COL13A1: variants seen among roughly 807,000 people sequenced by gnomAD.
The protein encoded by COL13A1 is collagen alpha-1(XIII) chain.
COL13A1 carries 89 observed loss-of-function variants against 130.9 expected under a neutral mutation model. That is an observed-to-expected ratio of 0.68 (90% CI 0.57 to 0.81). The LOEUF is 0.81. COL13A1 is among the 30% of genes least tolerant of loss of function. COL13A1 has a pLI of 0.00. For missense variants in COL13A1, 879 were observed against 934.6 expected (o/e 0.94, Z 0.78); for synonymous variants, 402 against 341.6 (o/e 1.18, Z -1.95).
chr10:69,898,652 C>T, intron 13 of COL13A1, 45 bp from the exon 14 acceptor site: 2 of 1,574,218 alleles, frequency 1.3e-6, no homozygotes, highest in African/African-American at 2.7e-5. Flanking sequence ...TACCTGTGAT[C>T]TTTGGCCTTT....
At chr10:69,808,677 A>G (rs916526894) in intron 1 of COL13A1, among the ~76,000 whole-genome samples, 2 of 152,214 alleles carry the variant, frequency 1.3e-5, no homozygotes, top group East Asian at 1.9e-4. Context: ...GTGACCACAC[A>G]TGACCCGATG....
At position 69,930,495 on chromosome 10, in the gene COL13A1, C is replaced by T. The variant is rs1061954; in HGVS notation, c.1626C>T (p.His542=). The T allele has an allele frequency of 6.2e-7, 1 of 1,613,822 alleles. No individual in the cohort carries two copies. Among genetic ancestry groups the T allele is most frequent in the Non-Finnish European group, 8.5e-7 (1 of 1,179,830 alleles). The stretch of plus-strand genomic sequence containing the variant: ...CAGGAGTGAAGGGAGAAAACGGGCA[C>T]CCAGGGAGCCCAGGAGAGAAGGGGG... The part of the protein sequence containing the change: ...GPPGVKGENG[H]PGSPGEKGEK... The change falls in exon 30 of 41, where the codon CAC becomes CAT. Residue 542 remains histidine (H), a synonymous_variant. Transcript: ENST00000645393.
At chr10:69,860,756 C>T in intron 2 of COL13A1, 2 of 251,472 alleles carry the variant, frequency 8.0e-6, no homozygotes, top group Middle Eastern at 4.5e-4. Flanking sequence ...GGCTGCTATC[C>T]CCCATTCCAA....
At chr10:69,937,824 GAGTTCCATGT>G in intron 34 of COL13A1, 109 bp downstream of exon 34, 2 of 637,352 alleles carry the variant, frequency 3.1e-6, no homozygotes, top group Admixed American at 5.6e-5. Context: ...TGAGCATCCA[GAGTTCCATGT>G]GGTTTGTCTT....
At chr10:69,825,406 T>C (rs551284429) in intron 2 of COL13A1, among the ~76,000 whole-genome samples, 4 of 152,346 alleles carry the variant, frequency 2.6e-5, no homozygotes, top group Non-Finnish European at 4.4e-5. Flanking sequence ...TACTTTTGTC[T>C]TGCAGCACCT....
chr10:69,900,441 T>TC (rs1268447426), intron 14 of COL13A1, among the ~76,000 whole-genome samples: 2 of 152,114 alleles, frequency 1.3e-5, no homozygotes, highest in African/African-American at 4.8e-5. Flanking sequence ...GAGCAAGAGG[T>TC]GGTGAAGCCA....
chr10:69,930,888 A>T (rs16927080), intron 30 of COL13A1, among the ~76,000 whole-genome samples: 4,366 of 152,326 alleles, frequency 0.029, 219 homozygotes, highest in African/African-American at 0.096. Context: ...AGATGAAGAC[A>T]TGGTTTAGAG....
At chr10:69,815,100 A>G (rs915120965) in intron 1 of COL13A1, among the ~76,000 whole-genome samples, 8 of 151,992 alleles carry the variant, frequency 5.3e-5, no homozygotes, top group African/African-American at 1.2e-4. Flanking sequence ...TCATATCCCT[A>G]TTTTGTAGAT....
At chr10:69,815,887 C>CAAA (rs11393895) in intron 1 of COL13A1, among the ~76,000 whole-genome samples, 1 of 148,714 alleles carries the variant, frequency 6.7e-6, no homozygotes. Flanking sequence ...GAAAAATAAG[C>CAAA]AAAAAAAAAA....
At chr10:69,838,093 G>A (rs1329616306) in intron 2 of COL13A1, among the ~76,000 whole-genome samples, 3 of 152,234 alleles carry the variant, frequency 2.0e-5, no homozygotes, top group Non-Finnish European at 4.4e-5. Flanking sequence ...GCCTTGGGCA[G>A]GGCAAGGTCT....
intron 30 of COL13A1, 64 bp from the exon 31 acceptor site, chr10:69,932,496 G>A (rs2066253031): frequency 5.2e-6 from 6 of 1,150,786 alleles, no homozygotes; most frequent in Admixed American, 1.8e-5. Flanking sequence ...ACAGATGTGA[G>A]GGTGCGTCTG....
chr10:69,917,262 C>T, intron 17 of COL13A1, 27 bp from the exon 18 acceptor site: 1 of 1,613,586 alleles, frequency 6.2e-7, no homozygotes, highest in Non-Finnish European at 8.5e-7. Context: ...TGGTCCTCTC[C>T]TCATGCTTTC....
At chr10:69,849,023 C>T (rs1853950818) in intron 2 of COL13A1, among the ~76,000 whole-genome samples, 1 of 152,350 alleles carries the variant, frequency 6.6e-6, no homozygotes, top group East Asian at 1.9e-4. Context: ...CCCATGTGGG[C>T]AATTCATCTC....
rs572018961 is a variant in COL13A1, at chr10:69,906,379, T to C, written c.921+557T>C. On this transcript the variant is annotated intron_variant, in intron 17 of 40. Transcript: ENST00000645393. The stretch of plus-strand genomic sequence containing the variant: ...GGCTCACTCATGCAGTCACACCACA[T>C]GACAGATAGAAGGGTGGGAGGGGAC... Among the ~76,000 whole-genome samples, 6 of 152,282 alleles carry C rather than the reference T, an allele frequency of 3.9e-5. No individual in the cohort carries two copies. In the South Asian group the frequency reaches 1.2e-3, roughly 32 times the overall value.
chr10:69,930,351 T>G (rs1203106997), intron 29 of COL13A1, 49 bp from the exon 30 acceptor site: 1 of 1,536,066 alleles, frequency 6.5e-7, no homozygotes, highest in East Asian at 2.3e-5. Context: ...CCCTCTCTCC[T>G]CTTTTCTCCA....
At chr10:69,873,452 C>G (rs1297425668) in intron 4 of COL13A1, among the ~76,000 whole-genome samples, 3 of 152,166 alleles carry the variant, frequency 2.0e-5, no homozygotes, top group African/African-American at 7.2e-5. Context: ...TGTGGGCAGA[C>G]TTTGTTTCTT....
rs1196905028 is a variant in COL13A1, at chr10:69,893,124, G to T, written c.604-1428G>T. Among the ~76,000 whole-genome samples the T allele has an allele frequency of 4.6e-5, 7 of 152,354 alleles. No individual in the cohort carries two copies. The East Asian group carries it at 1.4e-3, about 29-fold the overall frequency. On this transcript the variant is annotated intron_variant, in intron 10 of 40. Transcript: ENST00000645393. ...CCAGAACTCTGGGAGGCCAGCACGG[G>T]CAGATTGCTTGAGTCTGGGAGTTTG...
chr10:69,902,919 C>T (rs2062354802), intron 15 of COL13A1, 64 bp downstream of exon 15: 2 of 1,288,604 alleles, frequency 1.6e-6, no homozygotes, highest in Non-Finnish European at 2.1e-6. Flanking sequence ...ACCTCCAAAC[C>T]TTGAATAGGC....
chr10:69,910,327 G>A (rs2063229474), intron 17 of COL13A1, among the ~76,000 whole-genome samples: 1 of 151,962 alleles, frequency 6.6e-6, no homozygotes, highest in Non-Finnish European at 1.5e-5. Flanking sequence ...CTGAGACAGG[G>A]GCCATGTGAC....
Sources: gnomAD v4.1 joint callset for allele counts (sites outside exome capture counted in the v4.1 genomes callset) on GRCh38, gnomAD v4.1.1 for gene constraint, MANE v1.5 for transcripts, NCBI Gene and HGNC (gene_info 2026-07-23, HGNC 2026-07-21) for gene names.